Variants in GABRG3 observed in about 807,000 individuals in gnomAD.
GABRG3 encodes gamma-aminobutyric acid type A receptor subunit gamma3.
A neutral mutation model predicts 48.8 loss-of-function variants in GABRG3; 25 were observed. That is an observed-to-expected ratio of 0.51 (90% CI 0.37 to 0.72). The LOEUF (loss-of-function observed/expected upper bound fraction) is 0.72, where lower values mean the gene tolerates loss of function less well. GABRG3 is among the 30% of genes least tolerant of loss of function. The pLI is 0.00. For synonymous variants in GABRG3, 227 were observed against 217.6 expected (o/e 1.04, Z -0.38); for missense variants, 394 against 577.9 (o/e 0.68, Z 3.26).
chr15:27,196,805 G>A (rs1888510073), intron 3 of GABRG3, among the ~76,000 whole-genome samples: 1 of 152,174 alleles, frequency 6.6e-6, no homozygotes, highest in African/African-American at 2.4e-5. Context: ...CTGAAATATG[G>A]GCAGTAGCCT....
chr15:27,162,052 G>A (rs569710138), intron 3 of GABRG3, among the ~76,000 whole-genome samples: 1 of 152,250 alleles, frequency 6.6e-6, no homozygotes, highest in Admixed American at 6.5e-5. Context: ...GAAAATTTAT[G>A]CAATAAAACT....
chr15:27,084,803 G>A (rs958436172), intron 3 of GABRG3, among the ~76,000 whole-genome samples: 3 of 152,142 alleles, frequency 2.0e-5, no homozygotes, highest in Non-Finnish European at 2.9e-5. Context: ...AGGAGGCCAG[G>A]GTCTCCAGGG....
At chr15:27,019,652 G>A (rs1402452563) in intron 2 of GABRG3, among the ~76,000 whole-genome samples, 1 of 152,120 alleles carries the variant, frequency 6.6e-6, no homozygotes, top group Admixed American at 6.5e-5. Context: ...TGGGGTGTAG[G>A]GGATCCTCTG....
At position 27,319,708 on chromosome 15, in the gene GABRG3, T is replaced by C. The variant is rs2140513642; in HGVS notation, c.271-7101T>C. ...AAGGGAGGTCTGTGCCGGGATGTTG[T>C]ACCAATGCGTGCACCATGGTGGCTA... On this transcript the variant is annotated intron_variant, in intron 3 of 9. Coordinates refer to ENST00000615808, the MANE Select transcript of GABRG3 (RefSeq NM_033223.5). This position sits in a 1 kb window ranked among gnomAD's most constrained non-coding sequence, Gnocchi z 4.4. 6.6e-6 allele frequency among the ~76,000 whole-genome samples: 1 copy of C among 152,238 alleles called. No individual in the cohort carries two copies. The highest frequency in any genetic ancestry group is 1.9e-4 in the East Asian group (1 of 5,168).
chr15:27,435,611 A>G (rs890651006), intron 5 of GABRG3, among the ~76,000 whole-genome samples: 1 of 152,142 alleles, frequency 6.6e-6, no homozygotes, highest in Non-Finnish European at 1.5e-5. Flanking sequence ...AGGAATGAAT[A>G]GAGGGTGTAC....
intron 5 of GABRG3, among the ~76,000 whole-genome samples, chr15:27,468,792 A>G (rs535179142): frequency 3.3e-5 from 5 of 152,344 alleles, no homozygotes; most frequent in Non-Finnish European, 5.9e-5. Context: ...TTAAGAGAAA[A>G]GATGAAAGTT....
chr15:27,029,181 C>T (rs1259457795), intron 3 of GABRG3, among the ~76,000 whole-genome samples: 1 of 152,128 alleles, frequency 6.6e-6, no homozygotes, highest in Non-Finnish European at 1.5e-5. Flanking sequence ...GGCTCTCTAC[C>T]CTACTGAAGG....
chr15:27,413,472 T>A (rs1341139244), intron 5 of GABRG3, among the ~76,000 whole-genome samples: 3 of 152,206 alleles, frequency 2.0e-5, no homozygotes, highest in Non-Finnish European at 4.4e-5. Flanking sequence ...AAAAGCAACG[T>A]GTGTGATAAC....
intron 3 of GABRG3, among the ~76,000 whole-genome samples, chr15:27,192,755 G>A (rs1888362621): frequency 6.6e-6 from 1 of 152,162 alleles, no homozygotes; most frequent in Admixed American, 6.5e-5. Flanking sequence ...TCCATTGCTG[G>A]TGAGGAACTG....
At chr15:27,174,722 C>G (rs749684828) in intron 3 of GABRG3, among the ~76,000 whole-genome samples, 1 of 151,946 alleles carries the variant, frequency 6.6e-6, no homozygotes, top group Non-Finnish European at 1.5e-5. Flanking sequence ...TCAGATTGTC[C>G]TATCTTTGGC....
At chr15:27,213,605 C>A (rs773464724) in intron 3 of GABRG3, among the ~76,000 whole-genome samples, 3 of 152,204 alleles carry the variant, frequency 2.0e-5, no homozygotes, top group Non-Finnish European at 4.4e-5. Flanking sequence ...TGAGTGAGGC[C>A]ATCCTGGTTT....
chr15:27,489,390 A>G (rs527789176), intron 6 of GABRG3, among the ~76,000 whole-genome samples: 1 of 152,318 alleles, frequency 6.6e-6, no homozygotes, highest in Admixed American at 6.5e-5. Flanking sequence ...TTGGGTATAT[A>G]CCCAGTTACG....
chr15:27,373,145 A>T (rs1895469756), intron 5 of GABRG3, among the ~76,000 whole-genome samples: 1 of 152,180 alleles, frequency 6.6e-6, no homozygotes, highest in Non-Finnish European at 1.5e-5. Context: ...TCCAACTCTT[A>T]ATCAGGAAAA....
intron 3 of GABRG3, among the ~76,000 whole-genome samples, chr15:27,043,246 G>A (rs771300912): frequency 4.6e-5 from 7 of 152,184 alleles, no homozygotes; most frequent in Non-Finnish European, 7.3e-5. Context: ...CACATTCCCC[G>A]ACTGTTGCTT....
chr15:27,188,117 C>T (rs1206420919), intron 3 of GABRG3, among the ~76,000 whole-genome samples: 1 of 152,068 alleles, frequency 6.6e-6, no homozygotes, highest in Non-Finnish European at 1.5e-5. Flanking sequence ...TTTCTTAATC[C>T]AGTCTATCAT....
intron 3 of GABRG3, among the ~76,000 whole-genome samples, chr15:27,034,849 C>A (rs553237267): frequency 1.3e-5 from 2 of 152,236 alleles, no homozygotes; most frequent in South Asian, 4.1e-4. Context: ...GTGAACACAT[C>A]CTGCTCTACA....
At position 27,520,727 on chromosome 15, in the gene GABRG3, C is replaced by G. The variant is rs893689741; in HGVS notation, c.865+603C>G. Among the ~76,000 whole-genome samples the G allele has an allele frequency of 3.3e-5, 5 of 149,636 alleles. No individual in the cohort carries two copies. In the South Asian group the frequency reaches 1.1e-3, roughly 32 times the overall value. ...GGTTTCCTTTCTGACAGGAATTTTG[C>G]TTAACTTTCAATGTTTTGATTTTTT... is the stretch of plus-strand genomic sequence containing the variant. On this transcript the variant is annotated intron_variant, in intron 7 of 9. Transcript: ENST00000615808.
rs561732734 is a variant in GABRG3 at position 26,977,006 on chromosome 15, A to G, written c.58A>G (p.Arg20Gly). Reference protein sequence around the residue: ...CLFSGLHARSRKVEEDEYEDS... With the variant: ...CLFSGLHARSGKVEEDEYEDS... ...ATTTTTGTGCTGTAACTCCAGGTCC[A>G]GAAAGGTGGAAGAGGATGAATATGA... Residue 20 changes from arginine (R) to glycine (G), a missense_variant, in exon 2 of 10, where the codon AGA (arginine) becomes GGA (glycine). By Grantham distance (125) the Arg-to-Gly change is moderately radical. Around this residue, in one of 3 missense-constraint regions of GABRG3, gnomAD observed 218 missense variants for 309.9 expected, o/e 0.70. Transcript: ENST00000615808. 5 of 1,613,948 alleles carry G rather than the reference A, an allele frequency of 3.1e-6. No homozygotes were observed. In the African/African-American group the frequency reaches 4.0e-5, roughly 13 times the overall value.
At chr15:27,066,807 C>T (rs1235492620) in intron 3 of GABRG3, among the ~76,000 whole-genome samples, 3 of 152,146 alleles carry the variant, frequency 2.0e-5, no homozygotes, top group Non-Finnish European at 4.4e-5. Flanking sequence ...GATTTTATCC[C>T]GTTAAATCCT....
Sources: gnomAD v4.1 joint callset for allele counts (sites outside exome capture counted in the v4.1 genomes callset) on GRCh38, gnomAD v4.1.1 for gene constraint, gnomAD v4.1.1 regional missense constraint, Gnocchi (gnomAD v3.1) non-coding constraint, MANE v1.5 for transcripts, NCBI Gene and HGNC (gene_info 2026-07-23, HGNC 2026-07-21) for gene names.